The following CHM variants were observed in gnomAD, a reference collection of about 807,000 sequenced individuals.
CHM encodes the protein rab proteins geranylgeranyltransferase component A 1.
In CHM, 10 loss-of-function variants were observed where a neutral mutation model predicts 49.0. The observed-to-expected ratio is 0.20, with a 90% CI of 0.13 to 0.35. The LOEUF is 0.35. Ranked by LOEUF, CHM falls within the 10% of genes least tolerant of loss-of-function variation. CHM has a pLI of 1.00. For synonymous variants in CHM, 184 were observed against 167.5 expected, an observed-to-expected ratio of 1.10 and a Z score of -0.76; for missense variants, 455 against 478.4, an observed-to-expected ratio of 0.95 and a Z score of 0.46.
At chrX:86,023,132 T>C (rs1304971270) in intron 2 of CHM, among the ~76,000 whole-genome samples, 1 of 111,521 alleles carries the variant, frequency 9.0e-6, no homozygotes, top group Non-Finnish European at 1.9e-5. Flanking sequence ...CAACCAACCA[T>C]CTACTGTGTA....
chrX:85,897,094 T>TATA (rs1259677851), intron 11 of CHM, among the ~76,000 whole-genome samples: 2 of 82,999 alleles, frequency 2.4e-5, no homozygotes, highest in African/African-American at 9.5e-5. Context: ...TAATATATAA[T>TATA]ATATATAACA....
chrX:85,979,433 T>C (rs1266937783), intron 3 of CHM, among the ~76,000 whole-genome samples: 1 of 111,351 alleles, frequency 9.0e-6, no homozygotes, highest in Admixed American at 9.6e-5. Flanking sequence ...TTATAATAAT[T>C]AGTCCCTGAA....
intron 4 of CHM, among the ~76,000 whole-genome samples, chrX:85,974,882 T>C (rs1420920087): frequency 9.0e-6 from 1 of 111,550 alleles, no homozygotes; most frequent in Non-Finnish European, 1.9e-5. Context: ...CAAAATATCC[T>C]ATTTAAAGAG....
intron 8 of CHM, among the ~76,000 whole-genome samples, chrX:85,935,623 TATCTC>T (rs1255793291): frequency 1.8e-5 from 2 of 112,207 alleles, no homozygotes; most frequent in Non-Finnish European, 3.8e-5. Flanking sequence ...TATCTGAACA[TATCTC>T]AACAACATAG....
intron 5 of CHM, among the ~76,000 whole-genome samples, chrX:85,961,978 T>C (rs1240746762): frequency 8.9e-6 from 1 of 112,126 alleles, no homozygotes; most frequent in African/African-American, 3.2e-5. Context: ...ATTCCTACAA[T>C]TGAAACAGCA....
At chrX:86,041,559 C>A (rs1314591565) in intron 1 of CHM, among the ~76,000 whole-genome samples, 2 of 108,188 alleles carry the variant, frequency 1.8e-5, no homozygotes, top group African/African-American at 6.7e-5. Flanking sequence ...AAAGAGAAGA[C>A]AACAAAGAAA....
chrX:85,923,835 A>C (rs1270211127), intron 8 of CHM, among the ~76,000 whole-genome samples: 1 of 110,987 alleles, frequency 9.0e-6, no homozygotes, highest in Non-Finnish European at 1.9e-5. Flanking sequence ...ATCTGAGCTG[A>C]GACCTGAATG....
intron 2 of CHM, among the ~76,000 whole-genome samples, chrX:86,026,066 T>TGTCTCA (rs961839605): frequency 9.6e-6 from 1 of 104,094 alleles, no homozygotes; most frequent in African/African-American, 3.4e-5. Context: ...TAAAGTATAC[T>TGTCTCA]GTCTCAGTAC....
chrX:85,893,524 A>C (rs907145981), intron 12 of CHM, among the ~76,000 whole-genome samples: 1 of 112,033 alleles, frequency 8.9e-6, no homozygotes. Flanking sequence ...TATGCAATAC[A>C]AAAGTATTAC....
intron 1 of CHM, among the ~76,000 whole-genome samples, chrX:86,038,568 T>C (rs1294596049): frequency 8.9e-6 from 1 of 112,363 alleles, no homozygotes; most frequent in African/African-American, 3.2e-5. Flanking sequence ...ATAAACTTTC[T>C]AAATTAATTT....
At chrX:85,939,720 G>T (rs936405033) in intron 8 of CHM, among the ~76,000 whole-genome samples, 2 of 112,097 alleles carry the variant, frequency 1.8e-5, no homozygotes, top group Admixed American at 9.5e-5. Context: ...TAACTACTAA[G>T]ATATGGTATA....
intron 2 of CHM, among the ~76,000 whole-genome samples, chrX:85,995,772 C>T (rs1932410138): frequency 8.9e-6 from 1 of 112,011 alleles, no homozygotes; most frequent in Admixed American, 9.5e-5. Context: ...TACATGTTGG[C>T]TTCAACAGCT....
At chrX:86,036,293 A>G (rs750238016) in intron 1 of CHM, among the ~76,000 whole-genome samples, 15 of 111,574 alleles carry the variant, frequency 1.3e-4, no homozygotes, top group Non-Finnish European at 2.4e-4. Flanking sequence ...AGGCGAGACA[A>G]CTCAAAGCTG....
chrX:85,953,766 G>C (rs1929870415), intron 8 of CHM, among the ~76,000 whole-genome samples: 1 of 111,796 alleles, frequency 8.9e-6, no homozygotes, highest in Non-Finnish European at 1.9e-5. Context: ...TATATAAAAA[G>C]CAAATCAAAA....
chrX:85,911,129 G>GTATATATATA (rs763538907), intron 9 of CHM, 132 bp downstream of exon 9: 4 of 6,895 alleles, frequency 5.8e-4, no homozygotes, highest in African/African-American at 2.4e-3. Flanking sequence ...GTGTGTATAT[G>GTATATATATA]TATATATATA....
At chrX:85,984,976 G>A (rs1569238667) in intron 2 of CHM, among the ~76,000 whole-genome samples, 2 of 111,589 alleles carry the variant, frequency 1.8e-5, no homozygotes, top group African/African-American at 6.5e-5. Context: ...AAGAAGCTGC[G>A]ACTCCAAAGA....
intron 2 of CHM, among the ~76,000 whole-genome samples, chrX:86,021,208 C>T (rs1933591944): frequency 1.1e-5 from 1 of 90,003 alleles, no homozygotes; most frequent in Admixed American, 1.3e-4. Context: ...CGAAGCACTT[C>T]GGGTCCCAAG....
At chrX:86,007,340 A>G (rs1489550243) in intron 2 of CHM, among the ~76,000 whole-genome samples, 1 of 112,124 alleles carries the variant, frequency 8.9e-6, no homozygotes, top group Non-Finnish European at 1.9e-5. Flanking sequence ...CATTCAAGAC[A>G]TAGGCATGGG....
chrX:86,000,513 C>CAAAAA lies in CHM; in HGVS notation c.117-18709_117-18705dup, dbSNP rs754600557. Among the ~76,000 whole-genome samples the CAAAAA allele has an allele frequency of 1.4e-3, 83 of 57,947 alleles. 1 individual carries two copies. Among genetic ancestry groups the CAAAAA allele is most frequent in the Non-Finnish European group, 1.9e-3 (61 of 32,538 alleles). The allele number at this position is 57,947 out of a possible 115,157, so 50.3% of individuals were successfully genotyped here. ...GCAATCCCACTACTGGGAATATATT[C>CAAAAA]AAAAAAAAAAAAAAAAAAAAGAGGA... On this transcript the variant is annotated intron_variant, in intron 2 of 14. Transcript: ENST00000357749.
Sources: gnomAD v4.1 joint callset for allele counts (sites outside exome capture counted in the v4.1 genomes callset) on GRCh38, gnomAD v4.1.1 for gene constraint, MANE v1.5 for transcripts, NCBI Gene and HGNC (gene_info 2026-07-23, HGNC 2026-07-21) for gene names.